KCNQ4: variants seen among roughly 807,000 people sequenced by gnomAD.
KCNQ4 encodes the protein potassium voltage-gated channel subfamily Q member 4, also known as potassium voltage-gated channel subfamily KQT member 4.
In KCNQ4, 31 loss-of-function variants were observed where a neutral mutation model predicts 72.6. That is an observed-to-expected ratio of 0.43 (90% CI 0.32 to 0.58). KCNQ4 has a LOEUF of 0.58. KCNQ4 is among the 20% of genes least tolerant of loss of function. The pLI, the probability that KCNQ4 is intolerant of heterozygous loss-of-function variation, is 0.08. For missense variants in KCNQ4, 869 were observed against 962.6 expected (o/e 0.90, Z 1.29); for synonymous variants, 405 against 403.7 (o/e 1.00, Z -0.04).
chr1:40,817,433 G>C lies in KCNQ4; in HGVS notation c.405+78G>C. ...GGCTGGGAGTCCGGGACTGAGGGGG[G>C]CTGTGTGAGGTAGCACCTCTGGGCT... On this transcript the variant is annotated intron_variant, in intron 2 of 13. Coordinates refer to ENST00000347132, the MANE Select transcript of KCNQ4 (RefSeq NM_004700.4). This position sits in a 1 kb window ranked among gnomAD's most constrained non-coding sequence, Gnocchi z 5.5. 1 of 1,072,638 alleles carries C rather than the reference G, an allele frequency of 9.3e-7. No homozygotes were observed. Among genetic ancestry groups the C allele is most frequent in the Non-Finnish European group, 1.4e-6 (1 of 722,390 alleles). The allele number at this position is 1,072,638 out of a possible 1,614,324, so 66.4% of individuals were successfully genotyped here.
chr1:40,806,481 A>G (rs1647762601), intron 1 of KCNQ4, among the ~76,000 whole-genome samples: 1 of 152,228 alleles, frequency 6.6e-6, no homozygotes, highest in Admixed American at 6.5e-5. Context: ...AGAAGGAAGC[A>G]GACAGAACAA....
At position 40,794,682 on chromosome 1, in the gene KCNQ4, G is replaced by A. The variant is rs1431877667; in HGVS notation, c.314+10275G>A. ...CTTAAAGGACTGTCTTTTAGTATGA[G>A]ATGATGTCCTTTCTTTTATGAAATG... On this transcript the variant is annotated intron_variant, in intron 1 of 13. Transcript: ENST00000347132. This position sits in a 1 kb window ranked among gnomAD's most constrained non-coding sequence, Gnocchi z 4.2. 2.0e-5 allele frequency among the ~76,000 whole-genome samples: 3 copies of A among 152,214 alleles called. No individual in the cohort carries two copies. Among genetic ancestry groups the A allele is most frequent in the African/African-American group, 7.2e-5 (3 of 41,452 alleles).
intron 11 of KCNQ4, among the ~76,000 whole-genome samples, chr1:40,834,265 C>A (rs763957189): frequency 6.6e-6 from 1 of 152,188 alleles, no homozygotes; most frequent in Non-Finnish European, 1.5e-5. Flanking sequence ...GCACCACCAT[C>A]CACTTGGTCA....
At chr1:40,808,797 T>A (rs1392544174) in intron 1 of KCNQ4, among the ~76,000 whole-genome samples, 4 of 152,234 alleles carry the variant, frequency 2.6e-5, no homozygotes, top group Non-Finnish European at 4.4e-5. Context: ...TCTTGATCTC[T>A]TGGCTCCTTC....
chr1:40,818,757 G>A (rs900315372), intron 4 of KCNQ4, 77 bp downstream of exon 4: 1 of 1,462,808 alleles, frequency 6.8e-7, no homozygotes, highest in Admixed American at 2.0e-5. Flanking sequence ...CGGAGAGGGC[G>A]AGGTCAGAGG....
chr1:40,790,238 C>A (rs1175230686), intron 1 of KCNQ4, among the ~76,000 whole-genome samples: 2 of 152,188 alleles, frequency 1.3e-5, no homozygotes, highest in Non-Finnish European at 2.9e-5. Context: ...TGGGAGTAAT[C>A]ATAATACCTG....
chr1:40,824,105 CCCT>C lies in KCNQ4; in HGVS notation c.1141_1143del (p.Leu382del). 6.4e-7 allele frequency: 1 copy of C among 1,553,130 alleles called. No homozygotes were observed. The highest frequency in any genetic ancestry group is 8.7e-7 in the Non-Finnish European group (1 of 1,148,678). ...GGTGCCCTCTCCTGCAGAGAGCTGG[CCCT>C]CTTGTTTGAGCACGTGCAACGGGCC... is the stretch of plus-strand genomic sequence containing the variant. On this transcript the variant is annotated inframe_deletion, in exon 9 of 14. Transcript: ENST00000347132.
At chr1:40,832,106 TC>T (rs1648669329) in intron 10 of KCNQ4, among the ~76,000 whole-genome samples, 1 of 152,208 alleles carries the variant, frequency 6.6e-6, no homozygotes, top group African/African-American at 2.4e-5. Flanking sequence ...ACTGCCCCTT[TC>T]CATGCCTCAG....
intron 1 of KCNQ4, among the ~76,000 whole-genome samples, chr1:40,812,592 C>A (rs1411658877): frequency 6.6e-6 from 1 of 152,170 alleles, no homozygotes; most frequent in Non-Finnish European, 1.5e-5. Context: ...CCAAGTATAT[C>A]CCTTCAAATG....
At chr1:40,818,356 C>T (rs922922527) in intron 3 of KCNQ4, 66 bp downstream of exon 3, 46 of 1,605,920 alleles carry the variant, frequency 2.9e-5, no homozygotes, top group Admixed American at 1.7e-5. Context: ...CCTTTACTCC[C>T]AATCCCGACT....
At chr1:40,824,042 G>A in intron 8 of KCNQ4, 55 bp from the exon 9 acceptor site, 1 of 1,540,122 alleles carries the variant, frequency 6.5e-7, no homozygotes, top group African/African-American at 1.4e-5. Context: ...TGCCCACTGG[G>A]TGAGGGGGGT....
At chr1:40,811,061 C>T (rs1455358359) in intron 1 of KCNQ4, among the ~76,000 whole-genome samples, 2 of 152,172 alleles carry the variant, frequency 1.3e-5, no homozygotes, top group African/African-American at 2.4e-5. Flanking sequence ...CAGTATACGC[C>T]TCTGAACCGC....
At position 40,833,025 on chromosome 1, in the gene KCNQ4, G is replaced by T; in HGVS notation, c.1525G>T (p.Glu509Ter). The part of the protein sequence containing the change: ...PRTSAEDAPS[E>*]EVAEEKSYQC... ...ACCTGCCTTTTCAGATGCCCCCTCA[G>T]AGGAAGTAGCAGAGGAGAAGAGCTA... Residue 509 changes from glutamate to a stop codon, truncating the protein, a stop_gained, in exon 11 of 14, where the codon GAG becomes TAG. Transcript: ENST00000347132. LOFTEE classifies it high-confidence loss of function. The T allele has an allele frequency of 1.9e-6, 3 of 1,613,542 alleles. No homozygotes were observed. The highest frequency in any genetic ancestry group is 8.5e-7 in the Non-Finnish European group (1 of 1,179,868).
chr1:40,820,138 T>G (rs1558015958), intron 6 of KCNQ4, 27 bp from the exon 7 acceptor site: 1 of 1,589,680 alleles, frequency 6.3e-7, no homozygotes, highest in East Asian at 2.3e-5. Flanking sequence ...GCCAGCACAT[T>G]CCCCCAACCA....
chr1:40,785,385 T>C (rs1485927206), intron 1 of KCNQ4, among the ~76,000 whole-genome samples: 1 of 152,142 alleles, frequency 6.6e-6, no homozygotes, highest in African/African-American at 2.4e-5. Context: ...GAGAGAGACC[T>C]CTGGTCCCTG....
chr1:40,795,259 T>TTG (rs1028245890), intron 1 of KCNQ4, among the ~76,000 whole-genome samples: 2 of 149,272 alleles, frequency 1.3e-5, no homozygotes, highest in African/African-American at 4.9e-5. Flanking sequence ...TTTTACCTTT[T>TTG]TTTTTTTTTT....
intron 1 of KCNQ4, among the ~76,000 whole-genome samples, chr1:40,796,279 C>T (rs1052949216): frequency 6.6e-6 from 1 of 152,164 alleles, no homozygotes; most frequent in African/African-American, 2.4e-5. Flanking sequence ...GAGTCTCAGC[C>T]TCCCTCTCTG....
rs1558007937 is a variant in KCNQ4, at chr1:40,813,760, GTTTTT to G, written c.315-3504_315-3500del. On this transcript the variant is annotated intron_variant, in intron 1 of 13. Transcript: ENST00000347132. ...TGTTTTTGTTTTTGTTTTTGTTTTTGTTTTTGAGACGGAGTCTCACTCTGTCGCCC... is the reference window on the plus strand; with the variant it reads ...TGTTTTTGTTTTTGTTTTTGTTTTTGGAGACGGAGTCTCACTCTGTCGCCC... Among the ~76,000 whole-genome samples, 17 of 151,454 alleles carry G rather than the reference GTTTTT, an allele frequency of 1.1e-4. No homozygotes were observed. In the South Asian group the frequency reaches 1.9e-3, roughly 17 times the overall value.
intron 1 of KCNQ4, among the ~76,000 whole-genome samples, chr1:40,786,010 T>C (rs1647198635): frequency 6.6e-6 from 1 of 152,094 alleles, no homozygotes; most frequent in Admixed American, 6.5e-5. Context: ...GCCCAGTCCT[T>C]AGTGTCCATT....
Sources: allele counts gnomAD v4.1 joint callset (sites outside exome capture counted in the v4.1 genomes callset), GRCh38; gene constraint gnomAD v4.1.1; non-coding constraint Gnocchi (gnomAD v3.1); transcripts MANE v1.5; gene names NCBI Gene and HGNC (gene_info 2026-07-23, HGNC 2026-07-21).